UNC13B: variants seen among roughly 807,000 people sequenced by gnomAD.
The protein encoded by UNC13B is unc-13 homolog B, also known as protein unc-13 homolog B.
A neutral mutation model predicts 211.0 loss-of-function variants in UNC13B; 144 were observed. The observed-to-expected ratio is 0.68, with a 90% CI of 0.60 to 0.78. UNC13B has a LOEUF of 0.78. Ranked by LOEUF, UNC13B falls within the 30% of genes least tolerant of loss-of-function variation. The pLI is 0.00. For synonymous variants in UNC13B, 709 were observed against 725.8 expected (o/e 0.98, Z 0.37); for missense variants, 1,777 against 2,002.0 (o/e 0.89, Z 2.14).
chr9:35,162,318 A>C lies in UNC13B; in HGVS notation c.22+13A>C. 1.4e-5 allele frequency: 21 copies of C among 1,539,812 alleles called. No individual in the cohort carries two copies. The highest frequency in any genetic ancestry group is 1.8e-5 in the Non-Finnish European group (21 of 1,147,278). On this transcript the variant is annotated intron_variant, in intron 1 of 39. Coordinates refer to ENST00000635942, the MANE Select transcript of UNC13B (RefSeq NM_001371189.2). ...CTCTGCGTGCGCGGTGAGTGCGCGG[A>C]CTGAGGCGGGGAGGCGGGGTGTCGG...
At chr9:35,169,383 CT>C (rs1821216568) in intron 1 of UNC13B, among the ~76,000 whole-genome samples, 1 of 152,170 alleles carries the variant, frequency 6.6e-6, no homozygotes, top group African/African-American at 2.4e-5. Context: ...ATCCATCTAA[CT>C]AGACACGTTG....
chr9:35,343,993 A>G (rs1176810493), intron 11 of UNC13B, among the ~76,000 whole-genome samples: 1 of 152,124 alleles, frequency 6.6e-6, no homozygotes, highest in Non-Finnish European at 1.5e-5. Flanking sequence ...TTTCTTTTTT[A>G]TGTGGCGATT....
chr9:35,383,064 G>T (rs1051037588), intron 21 of UNC13B, among the ~76,000 whole-genome samples: 2 of 152,202 alleles, frequency 1.3e-5, no homozygotes, highest in Non-Finnish European at 2.9e-5. Flanking sequence ...ACCCCTCTGG[G>T]CCAACAACTT....
At chr9:35,314,057 G>A in intron 11 of UNC13B, 68 bp downstream of exon 11, 1 of 1,257,724 alleles carries the variant, frequency 8.0e-7, no homozygotes, top group East Asian at 2.3e-5. Flanking sequence ...TATGGTGCTG[G>A]AGAAGCAATC....
chr9:35,329,945 G>A (rs2131959213), intron 11 of UNC13B, among the ~76,000 whole-genome samples: 1 of 152,220 alleles, frequency 6.6e-6, no homozygotes. Context: ...AGAGAAATAG[G>A]GTTTCCAGAC....
chr9:35,238,077 A>G (rs954830359), intron 5 of UNC13B, among the ~76,000 whole-genome samples: 1 of 152,204 alleles, frequency 6.6e-6, no homozygotes, highest in Non-Finnish European at 1.5e-5. Flanking sequence ...ACTATTTATT[A>G]TAATGACTTA....
intron 11 of UNC13B, among the ~76,000 whole-genome samples, chr9:35,318,110 A>G (rs1417169974): frequency 6.6e-6 from 1 of 152,196 alleles, no homozygotes; most frequent in Non-Finnish European, 1.5e-5. Context: ...AAAGCTTGGA[A>G]TCATACAGAC....
chr9:35,197,403 TC>T (rs901319351), intron 1 of UNC13B, among the ~76,000 whole-genome samples: 3 of 152,190 alleles, frequency 2.0e-5, no homozygotes, highest in African/African-American at 7.2e-5. Context: ...AGATGGGGTT[TC>T]ACCATGTTGG....
rs1831454670 is a variant in UNC13B at position 35,332,951 on chromosome 9, TGTG to T, written c.9414+18966_9414+18968del. ...AGTTCAAAAACAGGAAAAAGTAACC[TGTG>T]GTGTCAGACATCAGGATAGTGATTA... is the stretch of plus-strand genomic sequence containing the variant. On this transcript the variant is annotated intron_variant, in intron 11 of 39. Coordinates refer to ENST00000635942, the MANE Select transcript of UNC13B (RefSeq NM_001371189.2). Among the ~76,000 whole-genome samples, 7 of 152,316 alleles carry T rather than the reference TGTG, an allele frequency of 4.6e-5. No homozygotes were observed. The South Asian group carries it at 1.4e-3, about 32-fold the overall frequency.
At chr9:35,164,194 T>G (rs964487734) in intron 1 of UNC13B, among the ~76,000 whole-genome samples, 3 of 152,156 alleles carry the variant, frequency 2.0e-5, no homozygotes, top group Non-Finnish European at 4.4e-5. Context: ...TTTTTGTATT[T>G]TTTGTAGAGA....
At chr9:35,322,896 T>G (rs1830811169) in intron 11 of UNC13B, among the ~76,000 whole-genome samples, 1 of 151,944 alleles carries the variant, frequency 6.6e-6, no homozygotes, top group Non-Finnish European at 1.5e-5. Context: ...TTCTCACAAC[T>G]TTTCATCCCT....
chr9:35,198,708 A>C (rs547433495), intron 1 of UNC13B, among the ~76,000 whole-genome samples: 1 of 152,232 alleles, frequency 6.6e-6, no homozygotes, highest in East Asian at 1.9e-4. Flanking sequence ...TGTGACCAAA[A>C]TGTTGATAGT....
At chr9:35,245,901 T>C (rs1383888205) in intron 6 of UNC13B, among the ~76,000 whole-genome samples, 1 of 152,184 alleles carries the variant, frequency 6.6e-6, no homozygotes, top group African/African-American at 2.4e-5. Context: ...GTATTTCTAG[T>C]TCTAGATCCC....
At chr9:35,393,336 G>C (rs930754284) in intron 26 of UNC13B, among the ~76,000 whole-genome samples, 7 of 152,128 alleles carry the variant, frequency 4.6e-5, no homozygotes, top group Non-Finnish European at 7.4e-5. Context: ...ATTTAGCCAG[G>C]AGGGTGGTAG....
intron 24 of UNC13B, among the ~76,000 whole-genome samples, chr9:35,388,215 C>T (rs979882250): frequency 1.3e-5 from 2 of 152,102 alleles, no homozygotes; most frequent in African/African-American, 2.4e-5. Flanking sequence ...TGAAACTAGC[C>T]TGGCCAATAT....
intron 6 of UNC13B, among the ~76,000 whole-genome samples, chr9:35,245,403 G>T (rs1236422120): frequency 3.3e-5 from 5 of 151,070 alleles, no homozygotes; most frequent in African/African-American, 1.2e-4. Flanking sequence ...CAATGTGCAG[G>T]TTTGTTACAT....
chr9:35,168,703 C>CTTTTT (rs34612376), intron 1 of UNC13B, among the ~76,000 whole-genome samples: 1 of 135,850 alleles, frequency 7.4e-6, no homozygotes, highest in Non-Finnish European at 1.6e-5. Flanking sequence ...GTATTACTTG[C>CTTTTT]TTTTTTTTTT....
chr9:35,289,207 G>A (rs1203309458), intron 7 of UNC13B, among the ~76,000 whole-genome samples: 1 of 152,138 alleles, frequency 6.6e-6, no homozygotes, highest in Non-Finnish European at 1.5e-5. Context: ...TAGTAGTCCC[G>A]TATGCCCAGG....
At chr9:35,233,522 TA>T (rs1825324026) in intron 3 of UNC13B, among the ~76,000 whole-genome samples, 1 of 152,156 alleles carries the variant, frequency 6.6e-6, no homozygotes, top group Non-Finnish European at 1.5e-5. Flanking sequence ...GTTATTTACT[TA>T]TTTTTTTTGG....
Sources: gnomAD v4.1 joint callset for allele counts (sites outside exome capture counted in the v4.1 genomes callset) on GRCh38, gnomAD v4.1.1 for gene constraint, MANE v1.5 for transcripts, NCBI Gene and HGNC (gene_info 2026-07-23, HGNC 2026-07-21) for gene names.